DRICH1: variants seen among roughly 807,000 people sequenced by gnomAD.
The protein encoded by DRICH1 is aspartate rich 1.
In DRICH1, 38 loss-of-function variants were observed where a neutral mutation model predicts 39.5. That is an observed-to-expected ratio of 0.96 (90% confidence interval 0.74 to 1.26). DRICH1 has a LOEUF of 1.26. DRICH1 is among the 50% of genes most tolerant of loss of function. The pLI, the probability that DRICH1 is intolerant of heterozygous loss-of-function variation, is 0.00. For synonymous variants in DRICH1, 84 were observed against 99.5 expected (o/e 0.84, Z 0.93); for missense variants, 279 against 270.4 (o/e 1.03, Z -0.22).
the DRICH1 span, among the ~76,000 whole-genome samples, chr22:23,587,350 G>A: frequency 2.6e-5 from 4 of 152,182 alleles, no homozygotes; most frequent in Non-Finnish European, 5.9e-5. Context: ...AGGGTCACCC[G>A]ATCCCAGAAC....
intron 1 of DRICH1, among the ~76,000 whole-genome samples, 154 bp downstream of exon 1, chr22:23,631,662 T>C (rs3747102): frequency 0.29 from 37,841 of 128,936 alleles, 4,790 homozygotes; most frequent in East Asian, 0.35. Context: ...GGAGGCAGAG[T>C]CAGCCTTTGT....
chr22:23,582,295 A>T, the DRICH1 span, among the ~76,000 whole-genome samples: 1 of 116,026 alleles, frequency 8.6e-6, no homozygotes. Context: ...TTTTTTTTTG[A>T]GACGGAGTCT....
rs1177143040 is a variant in DRICH1, at chr22:23,620,341, C to G, written c.406+253G>C. Among the ~76,000 whole-genome samples, 6 of 152,226 alleles carry G rather than the reference C, an allele frequency of 3.9e-5. No homozygotes were observed. In the East Asian group the frequency reaches 1.2e-3, roughly 29 times the overall value. On this transcript the variant is annotated intron_variant, in intron 5 of 11. Transcript: ENST00000317749. Reference sequence around the variant, plus strand: ...ATCCACTCTTTATAACCACCAACATCAGGATAGGTCAGTGAGCGGTGCACT... The same window carrying G: ...ATCCACTCTTTATAACCACCAACATGAGGATAGGTCAGTGAGCGGTGCACT...
chr22:23,614,258 A>C (rs931886933), intron 8 of DRICH1, 44 bp from the exon 9 acceptor site: 2 of 1,379,694 alleles, frequency 1.4e-6, no homozygotes, highest in Non-Finnish European at 1.0e-6. Context: ...GTGGTTGGTG[A>C]CTCTGAGTCA....
the DRICH1 span, among the ~76,000 whole-genome samples, chr22:23,594,317 A>G: frequency 6.6e-6 from 1 of 152,226 alleles, no homozygotes; most frequent in Non-Finnish European, 1.5e-5. Flanking sequence ...GCCTGTAATC[A>G]AAGCACTTTG....
chr22:23,631,923 A>G lies in DRICH1; in HGVS notation c.101T>C (p.Val34Ala). 2 of 1,613,726 alleles carry G rather than the reference A, an allele frequency of 1.2e-6. No homozygotes were observed. Among genetic ancestry groups the G allele is most frequent in the Non-Finnish European group, 1.7e-6 (2 of 1,180,032 alleles). Residue 34 changes from valine (V) to alanine (A), a missense_variant, in exon 1 of 12, where the codon GTG becomes GCG. By Grantham distance (64) the Val-to-Ala change is moderately conservative. Transcript: ENST00000317749. ...YESDTDIYET[V>A]AAATSESTTV... ...AGTGGATTCTGATGTTGCAGCAGCC[A>G]CAGTCTCATAAATATCAGTATCAGA...
intron 3 of DRICH1, among the ~76,000 whole-genome samples, chr22:23,624,508 T>A (rs987161975): frequency 1.3e-5 from 2 of 152,132 alleles, no homozygotes; most frequent in African/African-American, 4.8e-5. Context: ...ACATGAAGGT[T>A]CTTGTAAATG....
rs116476019 is a variant in DRICH1, at chr22:23,624,347, A to C, written c.298+536T>G. ...ATCTTTAAATAATAAAGCAAGAAGA[A>C]ATGATCAAAAACACAGGATACTCAA... On this transcript the variant is annotated intron_variant, in intron 3 of 11. Transcript: ENST00000317749. The C allele has an allele frequency of 3.1e-3, 3,021 of 984,988 alleles. 75 individuals carry two copies. The African/African-American group carries it at 0.047, about 15-fold the overall frequency. 61.0% of individuals were successfully genotyped at this position (984,988 alleles called of 1,614,324 possible).
chr22:23,589,827 G>T, the DRICH1 span, among the ~76,000 whole-genome samples: 1 of 152,102 alleles, frequency 6.6e-6, no homozygotes, highest in African/African-American at 2.4e-5. Flanking sequence ...TTATACCTGA[G>T]GGTCTGGGCC....
the DRICH1 span, among the ~76,000 whole-genome samples, chr22:23,586,452 G>A: frequency 6.6e-6 from 1 of 152,290 alleles, no homozygotes; most frequent in African/African-American, 2.4e-5. Context: ...TCACACCACT[G>A]CACTCCAGCC....
At chr22:23,591,169 A>G in the DRICH1 span, among the ~76,000 whole-genome samples, 1 of 152,274 alleles carries the variant, frequency 6.6e-6, no homozygotes, top group Non-Finnish European at 1.5e-5. Context: ...GGGCTCCCCT[A>G]GACAGTTCTG....
the DRICH1 span, among the ~76,000 whole-genome samples, chr22:23,596,262 C>T: frequency 5.9e-5 from 9 of 151,554 alleles, 1 homozygote; most frequent in African/African-American, 1.2e-4. Context: ...AAAGGTTGTC[C>T]CCTTCCTCTT....
chr22:23,597,775 G>A, the DRICH1 span, among the ~76,000 whole-genome samples: 2 of 151,800 alleles, frequency 1.3e-5, no homozygotes, highest in Non-Finnish European at 2.9e-5. Flanking sequence ...CAGCCAGGGG[G>A]CAGCATCAGG....
At chr22:23,584,620 A>G in the DRICH1 span, among the ~76,000 whole-genome samples, 1 of 152,206 alleles carries the variant, frequency 6.6e-6, no homozygotes, top group Admixed American at 6.5e-5. Flanking sequence ...CTTGGACATG[A>G]GGATGATGAT....
the DRICH1 span, among the ~76,000 whole-genome samples, chr22:23,591,685 G>A: frequency 3.3e-5 from 5 of 152,180 alleles, no homozygotes; most frequent in African/African-American, 4.8e-5. Context: ...CTAGGTTGTG[G>A]AGCACATGGG....
chr22:23,622,258 A>G (rs1927790373), intron 3 of DRICH1, 82 bp from the exon 4 acceptor site: 8 of 1,251,312 alleles, frequency 6.4e-6, no homozygotes, highest in African/African-American at 4.4e-5. Context: ...GATGTGGTGT[A>G]TGGAGGTGGT....
chr22:23,624,512 G>C (rs910200726), intron 3 of DRICH1, among the ~76,000 whole-genome samples: 2 of 152,048 alleles, frequency 1.3e-5, no homozygotes, highest in African/African-American at 4.8e-5. Context: ...GAAGGTTCTT[G>C]TAAATGCTGT....
downstream of DRICH1, among the ~76,000 whole-genome samples, chr22:23,607,333 G>A (rs924701610): frequency 6.6e-6 from 1 of 152,210 alleles, no homozygotes; most frequent in Non-Finnish European, 1.5e-5. Context: ...GTGAGGAAAC[G>A]GAGGCACAGT....
intron 4 of DRICH1, among the ~76,000 whole-genome samples, chr22:23,620,853 G>GTAAATGC (rs1927683165): frequency 6.6e-6 from 1 of 152,148 alleles, no homozygotes; most frequent in African/African-American, 2.4e-5. Flanking sequence ...ACTTAGATTG[G>GTAAATGC]TAAATGCACA....
Sources: allele counts gnomAD v4.1 joint callset (sites outside exome capture counted in the v4.1 genomes callset), GRCh38; gene constraint gnomAD v4.1.1; transcripts MANE v1.5; gene names NCBI Gene and HGNC (gene_info 2026-07-23, HGNC 2026-07-21).